PLEKHG1: variants seen among roughly 807,000 people sequenced by gnomAD.
The protein encoded by PLEKHG1 is pleckstrin homology domain-containing family G member 1.
Under a neutral mutation model 100.8 loss-of-function variants are expected in PLEKHG1, and 44 were observed. That is an observed-to-expected ratio of 0.44 (90% CI 0.34 to 0.56). The LOEUF is 0.56. Ranked by LOEUF, PLEKHG1 falls within the 20% of genes least tolerant of loss-of-function variation. PLEKHG1 has a pLI of 0.01. For synonymous variants in PLEKHG1, 640 were observed against 662.5 expected (o/e 0.97, Z 0.52); for missense variants, 1,545 against 1,720.9 (o/e 0.90, Z 1.81).
At chr6:150,825,724 T>C (rs803416) in intron 14 of PLEKHG1, among the ~76,000 whole-genome samples, 129,873 of 152,250 alleles carry the variant, frequency 0.85, 55,738 homozygotes, top group African/African-American at 0.94. Flanking sequence ...GATTCAAATC[T>C]GTTTCTGCCA....
At chr6:150,602,594 C>G (rs1368901632) in intron 1 of PLEKHG1, among the ~76,000 whole-genome samples, 1 of 152,156 alleles carries the variant, frequency 6.6e-6, no homozygotes, top group African/African-American at 2.4e-5. Context: ...CTTCTCCGCC[C>G]TTGTCTCAAG....
At chr6:150,753,947 C>A (rs1378209128) in intron 2 of PLEKHG1, among the ~76,000 whole-genome samples, 1 of 151,970 alleles carries the variant, frequency 6.6e-6, no homozygotes. Flanking sequence ...TCTGGGAATT[C>A]ACTCCATGAG....
chr6:150,801,241 C>T (rs1786679171), intron 6 of PLEKHG1, among the ~76,000 whole-genome samples: 1 of 152,028 alleles, frequency 6.6e-6, no homozygotes, highest in Admixed American at 6.6e-5. Context: ...CATAGATTGG[C>T]TTTTGTATGG....
Position 150,806,460 on chromosome 6 carries a change from G to A in PLEKHG1, c.912+1719G>A, listed in dbSNP as rs527961602. Among the ~76,000 whole-genome samples, 8 of 151,958 alleles carry A rather than the reference G, an allele frequency of 5.3e-5. No individual in the cohort carries two copies. The South Asian group carries it at 1.0e-3, about 20-fold the overall frequency. On this transcript the variant is annotated intron_variant, in intron 7 of 15. Coordinates refer to ENST00000358517, the Ensembl canonical transcript of PLEKHG1. ...TACACTTTGGGAGGCCGAGGCAGGC[G>A]GATCACTTGATGTCAGGAGTTCGAG...
chr6:150,742,465 T>C (rs1283389202), intron 2 of PLEKHG1, among the ~76,000 whole-genome samples: 1 of 146,286 alleles, frequency 6.8e-6, no homozygotes, highest in Non-Finnish European at 1.5e-5. Context: ...CTGGGGAGAC[T>C]GAGGCGGGAG....
At chr6:150,611,505 C>T (rs1425928479) in intron 1 of PLEKHG1, among the ~76,000 whole-genome samples, 3 of 152,176 alleles carry the variant, frequency 2.0e-5, no homozygotes, top group Non-Finnish European at 4.4e-5. Flanking sequence ...CTTTTAGTTG[C>T]CGTGCCTATT....
At chr6:150,606,152 G>A (rs1179681919) in intron 1 of PLEKHG1, among the ~76,000 whole-genome samples, 1 of 152,136 alleles carries the variant, frequency 6.6e-6, no homozygotes, top group Non-Finnish European at 1.5e-5. Context: ...TTTGATTGCC[G>A]AAGTGTGTCA....
intron 3 of PLEKHG1, among the ~76,000 whole-genome samples, chr6:150,656,009 A>C (rs369390820): frequency 6.6e-6 from 1 of 152,070 alleles, no homozygotes; most frequent in Non-Finnish European, 1.5e-5. Flanking sequence ...TGATGGGTTG[A>C]TGGGTGTAGC....
At chr6:150,692,649 A>G (rs765440980) in intron 3 of PLEKHG1, among the ~76,000 whole-genome samples, 1 of 152,254 alleles carries the variant, frequency 6.6e-6, no homozygotes, top group Non-Finnish European at 1.5e-5. Flanking sequence ...AGGGAAAAAA[A>G]TGCTAATTTT....
At chr6:150,826,211 A>T (rs979512705) in intron 14 of PLEKHG1, among the ~76,000 whole-genome samples, 1 of 152,066 alleles carries the variant, frequency 6.6e-6, no homozygotes, top group South Asian at 2.1e-4. Context: ...TAATCCCGGC[A>T]CTTTGGGAGG....
At chr6:150,777,041 C>G (rs1785011529) in intron 3 of PLEKHG1, among the ~76,000 whole-genome samples, 1 of 149,296 alleles carries the variant, frequency 6.7e-6, no homozygotes, top group Non-Finnish European at 1.5e-5. Context: ...CTGATGCAGT[C>G]CTGGTGCACA....
At chr6:150,638,042 A>G (rs935607032) in intron 1 of PLEKHG1, 1 of 152,154 alleles carries the variant, frequency 6.6e-6, no homozygotes, top group Non-Finnish European at 1.5e-5. Context: ...TACTTGTTTA[A>G]AATCTGAGCG....
chr6:150,778,854 C>G (rs1785136024), intron 3 of PLEKHG1, among the ~76,000 whole-genome samples: 1 of 152,096 alleles, frequency 6.6e-6, no homozygotes, highest in South Asian at 2.1e-4. Context: ...TTGTGTTTAT[C>G]CTGTTCTAGA....
chr6:150,776,998 C>T (rs1257174593), intron 3 of PLEKHG1, among the ~76,000 whole-genome samples: 1 of 151,680 alleles, frequency 6.6e-6, no homozygotes, highest in Admixed American at 6.6e-5. Flanking sequence ...TGAGGCAATC[C>T]TGGTGCACAT....
At chr6:150,812,392 G>A (rs1247180233) in intron 10 of PLEKHG1, among the ~76,000 whole-genome samples, 1 of 152,224 alleles carries the variant, frequency 6.6e-6, no homozygotes, top group Non-Finnish European at 1.5e-5. Flanking sequence ...TGAAAGAGTA[G>A]CAGAGGAGGC....
At chr6:150,619,662 G>A (rs1381390796) in intron 1 of PLEKHG1, among the ~76,000 whole-genome samples, 1 of 152,188 alleles carries the variant, frequency 6.6e-6, no homozygotes, top group East Asian at 1.9e-4. Flanking sequence ...AGCTTTTATG[G>A]AGCAGGAGTG....
intron 4 of PLEKHG1, among the ~76,000 whole-genome samples, chr6:150,790,529 C>T (rs1785906756): frequency 6.6e-6 from 1 of 152,100 alleles, no homozygotes; most frequent in Admixed American, 6.6e-5. Context: ...CTGAATTCAC[C>T]CTTTCACCCA....
intron 1 of PLEKHG1, among the ~76,000 whole-genome samples, chr6:150,607,470 T>G (rs536112348): frequency 3.9e-5 from 6 of 152,354 alleles, no homozygotes; most frequent in Admixed American, 3.3e-4. Context: ...GCTATTAGTT[T>G]AAGCATCTAT....
rs752804721 is a variant in PLEKHG1, at chr6:150,831,035, G to A, written c.1924G>A (p.Glu642Lys). The A allele has an allele frequency of 4.2e-5, 68 of 1,613,854 alleles. No homozygotes were observed. Among genetic ancestry groups the A allele is most frequent in the Middle Eastern group, 3.3e-4 (2 of 6,062 alleles). The change falls in exon 15 of 16, where the codon GAG (glutamate) becomes AAG (lysine). Residue 642 changes from glutamate (E) to lysine (K), a missense_variant. By Grantham distance (56) the Glu-to-Lys change is moderately conservative. Coordinates refer to ENST00000358517, the Ensembl canonical transcript of PLEKHG1. The surrounding 1 kb of genome is among the most constrained non-coding windows in gnomAD (Gnocchi z 4.1). ...CAGCCCCAAAACAGAAGGGCAGGAG[G>A]AGATGACTCCCTTTGGGTCATCCAT...
Sources: gnomAD v4.1 joint callset for allele counts (sites outside exome capture counted in the v4.1 genomes callset) on GRCh38, gnomAD v4.1.1 for gene constraint, Gnocchi (gnomAD v3.1) non-coding constraint, MANE v1.5 for transcripts, NCBI Gene and HGNC (gene_info 2026-07-23, HGNC 2026-07-21) for gene names.